SMU1: variants seen among roughly 807,000 people sequenced by gnomAD.
The protein encoded by SMU1 is SMU1 DNA replication regulator and spliceosomal factor.
Under a neutral mutation model 62.0 loss-of-function variants are expected in SMU1, and 2 were observed. The ratio of observed to expected loss-of-function variants is 0.03; its 90% CI spans 0.01 to 0.10. The LOEUF is 0.10. Ranked by LOEUF, SMU1 falls within the 10% of genes least tolerant of loss-of-function variation. SMU1 has a pLI of 1.00. For synonymous variants in SMU1, 188 were observed against 212.4 expected (o/e 0.89, Z 1.00); for missense variants, 227 against 622.1 (o/e 0.36, Z 6.76).
At position 33,076,630 on chromosome 9, in the gene SMU1, G is replaced by C. The variant is rs1190339733; in HGVS notation, c.-22C>G. On this transcript the variant is annotated 5_prime_UTR_variant, in exon 1 of 12. Coordinates refer to ENST00000397149, the MANE Select transcript of SMU1 (RefSeq NM_018225.3). Reference sequence around the variant, plus strand: ...ACATAGCCGTATCTCTCCGGGAGCAGGCCCCAGCTCTCCCTCAAGGCCAGT... The same window carrying C: ...ACATAGCCGTATCTCTCCGGGAGCACGCCCCAGCTCTCCCTCAAGGCCAGT... 6.2e-7 allele frequency: 1 copy of C among 1,613,832 alleles called. No homozygotes were observed. Among genetic ancestry groups the C allele is most frequent in the Non-Finnish European group, 8.5e-7 (1 of 1,180,026 alleles).
rs199501271 is a variant in SMU1, at chr9:33,047,212, C to A, written c.*81G>T. On this transcript the variant is annotated 3_prime_UTR_variant, in exon 12 of 12. Coordinates refer to ENST00000397149, the MANE Select transcript of SMU1 (RefSeq NM_018225.3). Reference sequence around the variant, plus strand: ...CAATCTATTTGCTTAGAAAAGCTGGCAAAAAAAAAAAAAAGCACATTACAT... The same window carrying A: ...CAATCTATTTGCTTAGAAAAGCTGGAAAAAAAAAAAAAAAGCACATTACAT... 3.9e-4 allele frequency: 254 copies of A among 645,878 alleles called. No homozygotes were observed. The highest frequency in any genetic ancestry group is 1.5e-3 in the African/African-American group (66 of 45,484). The allele number at this position is 645,878 out of a possible 1,614,324, so 40.0% of individuals were successfully genotyped here.
At chr9:33,056,988 A>T in intron 7 of SMU1, 24 bp from the exon 8 acceptor site, 1 of 1,592,088 alleles carries the variant, frequency 6.3e-7, no homozygotes, top group Admixed American at 1.8e-5. Context: ...AAAAAAAAGA[A>T]TTAAAAAAAC....
At chr9:33,063,167 G>C (rs921278023) in intron 4 of SMU1, among the ~76,000 whole-genome samples, 2 of 152,194 alleles carry the variant, frequency 1.3e-5, no homozygotes, top group South Asian at 2.1e-4. Context: ...TTCCAGGCCA[G>C]CCTGGTCAAC....
intron 10 of SMU1, among the ~76,000 whole-genome samples, chr9:33,052,735 A>G (rs1477334436): frequency 6.6e-6 from 1 of 152,212 alleles, no homozygotes; most frequent in African/African-American, 2.4e-5. Context: ...CCTTTCTCCT[A>G]TTAGTGTTCC....
In SMU1 at chr9:33,073,798, C is replaced by T. The variant is rs1839512962; in HGVS notation, c.35G>A (p.Arg12His). The T allele has an allele frequency of 3.1e-6, 5 of 1,613,862 alleles. No individual in the cohort carries two copies. Among genetic ancestry groups the T allele is most frequent in the Non-Finnish European group, 3.4e-6 (4 of 1,179,832 alleles). ...CTCCTTCAAGTACTGCATAATAAGG[C>T]GGATCACACTGAAAGAAAACAAATC... ...SIEIESSDVI[R>H]LIMQYLKENS... Residue 12 changes from arginine (R) to histidine (H), a missense_variant, in exon 2 of 12, where the codon CGC becomes CAC. This residue lies in a region of SMU1 where 99 missense variants were observed against 270.3 expected (regional missense o/e 0.37). Coordinates refer to ENST00000397149, the MANE Select transcript of SMU1 (RefSeq NM_018225.3).
intron 4 of SMU1, among the ~76,000 whole-genome samples, chr9:33,062,614 C>T (rs746114003): frequency 5.3e-5 from 8 of 152,106 alleles, no homozygotes; most frequent in Non-Finnish European, 1.0e-4. Flanking sequence ...CACCTATCAA[C>T]AGGTCATATT....
At chr9:33,058,057 C>G (rs1420925315) in intron 6 of SMU1, among the ~76,000 whole-genome samples, 3 of 152,068 alleles carry the variant, frequency 2.0e-5, no homozygotes. Flanking sequence ...GGAAACTAAA[C>G]TAATATTTTT....
chr9:33,068,770 G>A (rs12349669), intron 4 of SMU1, 54 bp downstream of exon 4: 183,729 of 1,592,892 alleles, frequency 0.12, 11,951 homozygotes, highest in East Asian at 0.3. Flanking sequence ...CTCCCAAAGT[G>A]CAAGGATGAC....
Position 33,074,449 on chromosome 9 carries a change from CA to C in SMU1, c.27-644del, listed in dbSNP as rs935925535. ...CCCCTTCTCTACACACACACACACA[CA>C]AAAAAAAAAATTAGCTAGGCATGAT... On this transcript the variant is annotated intron_variant, in intron 1 of 11. Transcript: ENST00000397149. Among the ~76,000 whole-genome samples, 715 of 147,990 alleles carry C rather than the reference CA, an allele frequency of 4.8e-3. 8 individuals are homozygous for C. Among genetic ancestry groups the C allele is most frequent in the African/African-American group, 0.014 (571 of 40,214 alleles).
rs371934377 is a variant in SMU1 at position 33,076,632 on chromosome 9, C to T, written c.-24G>A. On this transcript the variant is annotated 5_prime_UTR_variant, in exon 1 of 12. Coordinates refer to ENST00000397149, the MANE Select transcript of SMU1 (RefSeq NM_018225.3). ...ATAGCCGTATCTCTCCGGGAGCAGG[C>T]CCCAGCTCTCCCTCAAGGCCAGTCG... 2.2e-5 allele frequency: 35 copies of T among 1,613,648 alleles called. No homozygotes were observed. The highest frequency in any genetic ancestry group is 5.0e-5 in the Admixed American group (3 of 60,006).
chr9:33,074,798 G>A (rs1441630277), intron 1 of SMU1, among the ~76,000 whole-genome samples: 1 of 138,966 alleles, frequency 7.2e-6, no homozygotes, highest in African/African-American at 2.6e-5. Flanking sequence ...TTTGAGAAAT[G>A]GTCACTTGCA....
chr9:33,061,973 G>A, intron 5 of SMU1, 76 bp downstream of exon 5: 1 of 1,500,368 alleles, frequency 6.7e-7, no homozygotes, highest in South Asian at 1.2e-5. Context: ...CCAAGCCCCT[G>A]GCACAGGGCC....
intron 4 of SMU1, among the ~76,000 whole-genome samples, chr9:33,068,618 C>T (rs1839452262): frequency 6.6e-6 from 1 of 152,134 alleles, no homozygotes; most frequent in South Asian, 2.1e-4. Context: ...GATTGTCCCA[C>T]CTCAGCCTCC....
rs575337411 is a variant in SMU1, at chr9:33,059,741, G to GA, written c.750+723dup. Among the ~76,000 whole-genome samples, 32 of 150,304 alleles carry GA rather than the reference G, an allele frequency of 2.1e-4. No individual in the cohort carries two copies. In the South Asian group the frequency reaches 6.8e-3, roughly 32 times the overall value. ...CTGCCTCAGTCTCCCGAGTAGCTGGGATTACAGGCACCCACCACCAGGCCC... is the reference window on the plus strand; with the variant it reads ...CTGCCTCAGTCTCCCGAGTAGCTGGGAATTACAGGCACCCACCACCAGGCCC... On this transcript the variant is annotated intron_variant, in intron 6 of 11. Coordinates refer to ENST00000397149, the MANE Select transcript of SMU1 (RefSeq NM_018225.3).
rs139587676 is a variant in SMU1 at position 33,056,176 on chromosome 9, G to A, written c.1059C>T (p.Asn353=). Residue 353 remains asparagine (N), a synonymous_variant, in exon 9 of 12, where the codon AAC becomes AAT. Coordinates refer to ENST00000397149, the MANE Select transcript of SMU1 (RefSeq NM_018225.3). The stretch of plus-strand genomic sequence containing the variant: ...GTCCATCTTGTGTAAATGTTGCTTC[G>A]TTAACAAAGGAGGAATGGCCACGAA... ...KEFRGHSSFV[N]EATFTQDGHY... 114 of 1,613,074 alleles carry A rather than the reference G, an allele frequency of 7.1e-5. No homozygotes were observed. Among genetic ancestry groups the A allele is most frequent in the Admixed American group, 1.7e-4 (10 of 59,970 alleles).
intron 6 of SMU1, among the ~76,000 whole-genome samples, chr9:33,060,033 T>C (rs1839345630): frequency 6.6e-6 from 1 of 152,018 alleles, no homozygotes; most frequent in African/African-American, 2.4e-5. Context: ...CTTTTTGTTT[T>C]TGAGACAGTG....
chr9:33,063,077 G>A (rs1183817877), intron 4 of SMU1, among the ~76,000 whole-genome samples: 3 of 152,020 alleles, frequency 2.0e-5, no homozygotes, highest in African/African-American at 2.4e-5. Flanking sequence ...AGCCTAATTC[G>A]GGGGCCAAGC....
At chr9:33,047,473 G>A (rs1285219088) in intron 11 of SMU1, 82 bp from the exon 12 acceptor site, 10 of 1,119,048 alleles carry the variant, frequency 8.9e-6, no homozygotes, top group Non-Finnish European at 1.3e-5. Flanking sequence ...TGGGTGGAAG[G>A]GAAAAAGAGA....
At chr9:33,060,340 A>G in intron 6 of SMU1, 125 bp downstream of exon 6, 1 of 858,304 alleles carries the variant, frequency 1.2e-6, no homozygotes, top group South Asian at 1.9e-5. Context: ...TTTTAATTAC[A>G]AAAGTAATAC....
Sources: allele counts gnomAD v4.1 joint callset (sites outside exome capture counted in the v4.1 genomes callset), GRCh38; gene constraint gnomAD v4.1.1; regional missense constraint gnomAD v4.1.1; transcripts MANE v1.5; gene names NCBI Gene and HGNC (gene_info 2026-07-23, HGNC 2026-07-21).